SPCS2: variants seen among roughly 807,000 people sequenced by gnomAD.
SPCS2 encodes SPase 25 kDa subunit.
In SPCS2, 3 loss-of-function variants were observed where a neutral mutation model predicts 22.3. The ratio of observed to expected loss-of-function variants is 0.13; its 90% confidence interval spans 0.06 to 0.35. The LOEUF (loss-of-function observed/expected upper bound fraction) is 0.35, where lower values mean the gene tolerates loss of function less well. SPCS2 is among the 10% of genes least tolerant of loss of function. The pLI, the probability that SPCS2 is intolerant of heterozygous loss-of-function variation, is 1.00. For synonymous variants in SPCS2, 67 were observed against 97.2 expected, an observed-to-expected ratio of 0.69 and a Z score of 1.83; for missense variants, 169 against 280.9, an observed-to-expected ratio of 0.60 and a Z score of 2.85.
rs192548097 is a variant in SPCS2 at position 74,978,668 on chromosome 11, T to C, written c.*1625T>C. 5 of 152,342 alleles carry C rather than the reference T, an allele frequency of 3.3e-5. No homozygotes were observed. Among genetic ancestry groups the C allele is most frequent in the Admixed American group, 3.3e-4 (5 of 15,308 alleles). The allele number at this position is 152,342 out of a possible 1,614,324, so 9.4% of individuals were successfully genotyped here. A position where few individuals can be genotyped will look rare whatever the true frequency, so the allele number is the denominator to read the frequency against. On this transcript the variant is annotated 3_prime_UTR_variant, in exon 5 of 5. Coordinates refer to ENST00000263672, the MANE Select transcript of SPCS2 (RefSeq NM_014752.3). Reference sequence around the variant, plus strand: ...TACCTAATATAATGTAAATGCTATGTAAATAGTTATACTGCATTGGTTTTT... The same window carrying C: ...TACCTAATATAATGTAAATGCTATGCAAATAGTTATACTGCATTGGTTTTT...
At chr11:74,960,865 T>A (rs902802662) in intron 1 of SPCS2, among the ~76,000 whole-genome samples, 33 of 152,276 alleles carry the variant, frequency 2.2e-4, no homozygotes, top group African/African-American at 7.9e-4. Context: ...ATTCAGGAAA[T>A]GGTAGCTATG....
At position 74,978,999 on chromosome 11, in the gene SPCS2, A is replaced by C. The variant is rs1446438446; in HGVS notation, c.*1956A>C. On this transcript the variant is annotated 3_prime_UTR_variant, in exon 5 of 5. Transcript: ENST00000263672. ...AGGCATTTTCCCTGTGTGTGTGTAT[A>C]ATGCAGCTATTAAAAATGAGTCTGA... is the stretch of plus-strand genomic sequence containing the variant. The C allele has an allele frequency of 6.6e-6, 1 of 152,176 alleles. No individual in the cohort carries two copies. Among genetic ancestry groups the C allele is most frequent in the Admixed American group, 6.5e-5 (1 of 15,276 alleles). The allele number at this position is 152,176 out of a possible 1,614,324, so 9.4% of individuals were successfully genotyped here. A position where few individuals can be genotyped will look rare whatever the true frequency, so the allele number is the denominator to read the frequency against.
rs549655332 is a variant in SPCS2, at chr11:74,958,941, G to C, written c.115-6093G>C. Reference sequence around the variant, plus strand: ...TGACTTAAAAAAAAAACGTAAATTTGATTGTTATTCCCATGCTTAAAATAC... The same window carrying C: ...TGACTTAAAAAAAAAACGTAAATTTCATTGTTATTCCCATGCTTAAAATAC... On this transcript the variant is annotated intron_variant, in intron 1 of 4. Transcript: ENST00000263672. Among the ~76,000 whole-genome samples the C allele has an allele frequency of 7.9e-5, 12 of 152,028 alleles. No individual in the cohort carries two copies. In the South Asian group the frequency reaches 2.5e-3, roughly 32 times the overall value.
intron 1 of SPCS2, among the ~76,000 whole-genome samples, chr11:74,950,086 G>A (rs574332745): frequency 3.2e-4 from 48 of 151,936 alleles, no homozygotes; most frequent in African/African-American, 1.1e-3. Flanking sequence ...TGCAGTCCTA[G>A]CAACAAGGGT....
intron 1 of SPCS2, among the ~76,000 whole-genome samples, chr11:74,949,963 T>TC (rs1948351229): frequency 6.6e-6 from 1 of 152,130 alleles, no homozygotes. Flanking sequence ...CTGTTGTTTT[T>TC]CCCCGCCCTC....
chr11:74,964,914 C>A, intron 1 of SPCS2, 120 bp from the exon 2 acceptor site: 1 of 649,026 alleles, frequency 1.5e-6, no homozygotes, highest in Non-Finnish European at 2.6e-6. Flanking sequence ...AGTTCTGCAA[C>A]ATCAGAAGAC....
chr11:74,965,643 C>A, intron 2 of SPCS2, 120 bp from the exon 3 acceptor site: 1 of 812,770 alleles, frequency 1.2e-6, no homozygotes, highest in East Asian at 2.8e-5. Flanking sequence ...GTGGTAAAAT[C>A]CCAACTGGAG....
intron 1 of SPCS2, among the ~76,000 whole-genome samples, chr11:74,958,318 T>C (rs987939076): frequency 6.6e-6 from 1 of 152,248 alleles, no homozygotes; most frequent in Non-Finnish European, 1.5e-5. Context: ...TTCTTTGCAG[T>C]GTATCTTGGC....
chr11:74,965,848 C>A lies in SPCS2; in HGVS notation c.284C>A (p.Ala95Asp). Residue 95 changes from alanine (A) to aspartate (D), a missense_variant, in exon 3 of 5, where the codon GCC becomes GAC. Transcript: ENST00000263672. ...ATCTGTACAATCTCCTGTTTCTTTG[C>A]CATAGTGGCTTTGATTTGGGATTAT... ...LTICTISCFFAIVALIWDYMH... is the reference protein window; with the variant it reads ...LTICTISCFFDIVALIWDYMH... The A allele has an allele frequency of 6.2e-7, 1 of 1,613,126 alleles. No homozygotes were observed. Among genetic ancestry groups the A allele is most frequent in the Non-Finnish European group, 8.5e-7 (1 of 1,179,306 alleles).
intron 1 of SPCS2, among the ~76,000 whole-genome samples, chr11:74,961,115 T>C (rs1400525794): frequency 6.6e-6 from 1 of 151,660 alleles, no homozygotes; most frequent in African/African-American, 2.4e-5. Context: ...TGTGACCCAG[T>C]GAGGGAGACA....
intron 4 of SPCS2, among the ~76,000 whole-genome samples, chr11:74,974,299 C>G (rs1467581257): frequency 6.6e-6 from 1 of 152,166 alleles, no homozygotes; most frequent in Non-Finnish European, 1.5e-5. Context: ...TCATCCTTGA[C>G]CTCTTCTCTG....
chr11:74,964,501 TAA>T (rs1948532434), intron 1 of SPCS2, among the ~76,000 whole-genome samples: 1 of 152,216 alleles, frequency 6.6e-6, no homozygotes, highest in African/African-American at 2.4e-5. Flanking sequence ...GGTAAAATAA[TAA>T]AAGTTGTTAG....
chr11:74,967,502 C>T (rs1281947060), intron 3 of SPCS2, among the ~76,000 whole-genome samples: 9 of 152,170 alleles, frequency 5.9e-5, no homozygotes, highest in Non-Finnish European at 2.9e-5. Flanking sequence ...GTAATCCCAA[C>T]ACTTTGAGAG....
chr11:74,974,623 T>C (rs751486497), intron 4 of SPCS2, among the ~76,000 whole-genome samples: 3 of 152,228 alleles, frequency 2.0e-5, no homozygotes, highest in Non-Finnish European at 4.4e-5. Flanking sequence ...TTTTTTTGTT[T>C]TGTTTTTTTG....
intron 1 of SPCS2, among the ~76,000 whole-genome samples, chr11:74,959,205 G>T (rs1371164592): frequency 1.3e-5 from 2 of 152,204 alleles, no homozygotes; most frequent in African/African-American, 4.8e-5. Context: ...CATCTCTCCA[G>T]TGTGAATTGA....
At chr11:74,965,395 A>G (rs1687074174) in intron 2 of SPCS2, among the ~76,000 whole-genome samples, 2 of 152,118 alleles carry the variant, frequency 1.3e-5, no homozygotes, top group East Asian at 1.9e-4. Context: ...AAAAAGAAAT[A>G]TAGATGTTGG....
intron 3 of SPCS2, chr11:74,968,137 A>G (rs1387400840): frequency 6.6e-6 from 1 of 152,166 alleles, no homozygotes; most frequent in Non-Finnish European, 1.5e-5. Context: ...TATACTTTGT[A>G]CTATATTTTC....
chr11:74,969,984 A>G (rs1403568735), intron 4 of SPCS2, among the ~76,000 whole-genome samples: 1 of 152,240 alleles, frequency 6.6e-6, no homozygotes, highest in Non-Finnish European at 1.5e-5. Flanking sequence ...AAGGCCAAAG[A>G]TGTGAGATCA....
intron 1 of SPCS2, among the ~76,000 whole-genome samples, chr11:74,951,453 T>C (rs1001901872): frequency 1.3e-5 from 2 of 152,080 alleles, no homozygotes; most frequent in Non-Finnish European, 1.5e-5. Context: ...TTCGCTCAAG[T>C]GTGTACTTGT....
Sources: gnomAD v4.1 joint callset for allele counts (sites outside exome capture counted in the v4.1 genomes callset) on GRCh38, gnomAD v4.1.1 for gene constraint, MANE v1.5 for transcripts, NCBI Gene and HGNC (gene_info 2026-07-23, HGNC 2026-07-21) for gene names.